The following CNTNAP5 variants were observed in gnomAD, a reference collection of about 807,000 sequenced individuals.
The protein encoded by CNTNAP5 is contactin associated protein family member 5.
CNTNAP5 carries 72 observed loss-of-function variants against 150.2 expected under a neutral mutation model. The ratio of observed to expected loss-of-function variants is 0.48; its 90% CI spans 0.40 to 0.58. CNTNAP5 has a LOEUF of 0.58. CNTNAP5 is among the 20% of genes least tolerant of loss of function. CNTNAP5 has a pLI of 0.00. For missense variants in CNTNAP5, 1,636 were observed against 1,626.2 expected, an observed-to-expected ratio of 1.01 and a Z score of -0.10; for synonymous variants, 672 against 619.8, an observed-to-expected ratio of 1.08 and a Z score of -1.25.
At chr2:124,864,246 C>G (rs1677581997) in intron 19 of CNTNAP5, among the ~76,000 whole-genome samples, 1 of 152,032 alleles carries the variant, frequency 6.6e-6, no homozygotes, top group African/African-American at 2.4e-5. Context: ...ACATATAATA[C>G]TTGTATATAT....
At chr2:124,776,658 C>T (rs1215571486) in intron 17 of CNTNAP5, among the ~76,000 whole-genome samples, 1 of 152,154 alleles carries the variant, frequency 6.6e-6, no homozygotes, top group Non-Finnish European at 1.5e-5. Context: ...GATAGCCTTC[C>T]TGAAGCACGC....
chr2:124,285,632 C>A (rs1176116210), intron 3 of CNTNAP5, among the ~76,000 whole-genome samples: 2 of 150,878 alleles, frequency 1.3e-5, no homozygotes, highest in African/African-American at 4.9e-5. Context: ...AAACCCCATC[C>A]TCTGCAAGAA....
intron 1 of CNTNAP5, among the ~76,000 whole-genome samples, chr2:124,186,340 T>C (rs1213225756): frequency 1.3e-5 from 2 of 152,208 alleles, no homozygotes; most frequent in South Asian, 2.1e-4. Context: ...CTCATACATA[T>C]ATAAAAATAT....
At chr2:124,443,309 T>G (rs963554718) in intron 5 of CNTNAP5, among the ~76,000 whole-genome samples, 5 of 150,314 alleles carry the variant, frequency 3.3e-5, no homozygotes, top group Admixed American at 1.3e-4. Context: ...TGTATATATA[T>G]TAGAGCATGG....
chr2:124,063,979 A>G (rs1298026874), intron 1 of CNTNAP5, among the ~76,000 whole-genome samples: 2 of 152,160 alleles, frequency 1.3e-5, no homozygotes, highest in African/African-American at 4.8e-5. Context: ...TGAAAATCCT[A>G]AGAAAACATA....
At chr2:124,357,301 T>A (rs1482331657) in intron 3 of CNTNAP5, among the ~76,000 whole-genome samples, 4 of 152,216 alleles carry the variant, frequency 2.6e-5, no homozygotes, top group Non-Finnish European at 5.9e-5. Context: ...GCAGAAGCTC[T>A]TTACTTTAAT....
intron 11 of CNTNAP5, among the ~76,000 whole-genome samples, chr2:124,588,177 C>CT (rs1696591209): frequency 1.1e-3 from 123 of 110,908 alleles, no homozygotes; most frequent in African/African-American, 2.4e-3. Flanking sequence ...TCCTTCCTTC[C>CT]TTCTTTCTTT....
At chr2:124,694,994 TTG>T (rs138349590) in intron 13 of CNTNAP5, among the ~76,000 whole-genome samples, 37,368 of 150,012 alleles carry the variant, frequency 0.25, 4,714 homozygotes, top group Non-Finnish European at 0.27. Context: ...ATTTCCTAAA[TTG>T]TGTGTGTGTG....
chr2:124,187,067 C>G (rs7561523), intron 1 of CNTNAP5, among the ~76,000 whole-genome samples: 33,755 of 152,078 alleles, frequency 0.22, 4,045 homozygotes, highest in African/African-American at 0.3. Flanking sequence ...AGATTGACCA[C>G]ATCTCCTGTG....
At chr2:124,765,305 T>G (rs551494891) in intron 16 of CNTNAP5, among the ~76,000 whole-genome samples, 1 of 152,220 alleles carries the variant, frequency 6.6e-6, no homozygotes, top group South Asian at 2.1e-4. Flanking sequence ...GTTACCATAT[T>G]CCTAAGAATT....
intron 3 of CNTNAP5, among the ~76,000 whole-genome samples, chr2:124,410,477 A>G (rs1475044881): frequency 1.4e-5 from 2 of 146,964 alleles, no homozygotes; most frequent in African/African-American, 4.9e-5. Context: ...ACATACTTGG[A>G]AGTAAAGCTC....
chr2:124,808,507 G>A (rs1682130077), intron 19 of CNTNAP5, among the ~76,000 whole-genome samples: 1 of 151,352 alleles, frequency 6.6e-6, no homozygotes, highest in Non-Finnish European at 1.5e-5. Context: ...GTAATGGCTT[G>A]AACCTGGGAG....
At chr2:124,289,410 G>C (rs1395314797) in intron 3 of CNTNAP5, among the ~76,000 whole-genome samples, 1 of 152,110 alleles carries the variant, frequency 6.6e-6, no homozygotes, top group Non-Finnish European at 1.5e-5. Flanking sequence ...GTTTCACATG[G>C]CTTAAAAGTG....
chr2:124,080,400 T>C (rs1178160191), intron 1 of CNTNAP5, among the ~76,000 whole-genome samples: 1 of 152,196 alleles, frequency 6.6e-6, no homozygotes, highest in Non-Finnish European at 1.5e-5. Flanking sequence ...GACTCTTAAA[T>C]TGCCATAAAC....
chr2:124,769,657 A>G (rs772348336), intron 16 of CNTNAP5, among the ~76,000 whole-genome samples: 17 of 152,128 alleles, frequency 1.1e-4, no homozygotes, highest in Middle Eastern at 3.2e-3. Flanking sequence ...ATTCTCTCAC[A>G]TTGTTTTCAG....
intron 3 of CNTNAP5, among the ~76,000 whole-genome samples, chr2:124,332,478 A>G (rs867751838): frequency 5.3e-5 from 8 of 151,424 alleles, no homozygotes; most frequent in African/African-American, 1.9e-4. Context: ...GTGGAATAGT[A>G]CATATTTACT....
intron 1 of CNTNAP5, among the ~76,000 whole-genome samples, chr2:124,218,753 G>A (rs369441803): frequency 6.6e-6 from 1 of 152,282 alleles, no homozygotes; most frequent in South Asian, 2.1e-4. Context: ...ATGATGGAGG[G>A]GATTGCACAG....
intron 19 of CNTNAP5, among the ~76,000 whole-genome samples, chr2:124,851,171 C>A (rs915754104): frequency 6.6e-6 from 1 of 152,062 alleles, no homozygotes; most frequent in Non-Finnish European, 1.5e-5. Flanking sequence ...TCAAGACCAG[C>A]CTGGCCAACA....
In CNTNAP5 at chr2:124,707,179, A is replaced by AGAAGAAGAAGAAGAAGAAGAAGAAGAT. The variant is rs1679704846; in HGVS notation, c.2078-40024_2078-40023insTGAAGAAGAAGAAGAAGAAGAAGAAGA. On this transcript the variant is annotated intron_variant, in intron 13 of 23. Coordinates refer to ENST00000682447, the MANE Select transcript of CNTNAP5 (RefSeq NM_001367498.1). The stretch of plus-strand genomic sequence containing the variant: ...AAGAAGAAGAAGAAGAAGAAGAAGA[A>AGAAGAAGAAGAAGAAGAAGAAGAAGAT]GAAGAAGAAGAAGAAGAAGAAGAAG... Among the ~76,000 whole-genome samples, 3 of 138,594 alleles carry AGAAGAAGAAGAAGAAGAAGAAGAAGAT rather than the reference A, an allele frequency of 2.2e-5. 1 individual carries two copies. Among genetic ancestry groups the AGAAGAAGAAGAAGAAGAAGAAGAAGAT allele is most frequent in the Non-Finnish European group, 4.9e-5 (3 of 61,300 alleles). The allele number at this position is 138,594 out of a possible 152,430, so 90.9% of individuals were successfully genotyped here.
Sources: allele counts gnomAD v4.1 joint callset (sites outside exome capture counted in the v4.1 genomes callset), GRCh38; gene constraint gnomAD v4.1.1; transcripts MANE v1.5; gene names NCBI Gene and HGNC (gene_info 2026-07-23, HGNC 2026-07-21).